The following RREB1 variants were observed in gnomAD, a reference collection of about 807,000 sequenced individuals.
The protein encoded by RREB1 is ras-responsive element-binding protein 1.
In RREB1, 27 loss-of-function variants were observed where a neutral mutation model predicts 117.8. That is an observed-to-expected ratio of 0.23 (90% CI 0.17 to 0.32). RREB1 has a LOEUF of 0.32. Ranked by LOEUF, RREB1 falls within the 10% of genes least tolerant of loss-of-function variation. RREB1 has a pLI of 1.00. For synonymous variants in RREB1, 1,298 were observed against 1,026.7 expected (o/e 1.26, Z -5.05); for missense variants, 2,577 against 2,378.2 (o/e 1.08, Z -1.74).
intron 2 of RREB1, among the ~76,000 whole-genome samples, chr6:7,180,676 G>A (rs536138311): frequency 2.9e-4 from 44 of 152,300 alleles, no homozygotes; most frequent in African/African-American, 9.1e-4. Context: ...TTCTTTTCAT[G>A]TCGCCAGGTT....
At chr6:7,155,309 G>A (rs984064880) in intron 1 of RREB1, among the ~76,000 whole-genome samples, 4 of 151,954 alleles carry the variant, frequency 2.6e-5, no homozygotes, top group African/African-American at 9.7e-5. Context: ...GTTTTGTTTT[G>A]TTTGTTTGTT....
chr6:7,228,893 T>C, intron 9 of RREB1, 104 bp from the exon 10 acceptor site: 1 of 1,046,714 alleles, frequency 9.6e-7, no homozygotes, highest in Non-Finnish European at 1.3e-6. Context: ...AAAGGCTGTG[T>C]ACTGGGATAA....
intron 8 of RREB1, chr6:7,218,022 T>G (rs1400991865): frequency 6.6e-6 from 1 of 152,234 alleles, no homozygotes; most frequent in Non-Finnish European, 1.5e-5. Flanking sequence ...CCACGTTTCT[T>G]AATCCCACTG....
chr6:7,231,270 C>T lies in RREB1; in HGVS notation c.3171C>T (p.Pro1057=), dbSNP rs368887124. The T allele has an allele frequency of 7.4e-6, 12 of 1,612,148 alleles. No homozygotes were observed. The highest frequency in any genetic ancestry group is 2.2e-5 in the South Asian group (2 of 90,942). The change falls in exon 10 of 13, where the codon CCC becomes CCT. Residue 1057 remains proline (P), a synonymous_variant. Coordinates refer to ENST00000379938, the MANE Select transcript of RREB1 (RefSeq NM_001003699.4). ...CCCCGCTGCTTTTGCCAAAGCCCCC[C>T]GTGACAGAAGAGCTGCCCCCGCTGG... ...PKPPLLLPKP[P]VTEELPPLAS...
chr6:7,110,856 A>G (rs959415793), intron 1 of RREB1, among the ~76,000 whole-genome samples: 1 of 152,138 alleles, frequency 6.6e-6, no homozygotes, highest in African/African-American at 2.4e-5. Context: ...GTTTTGTGGA[A>G]TATCATTCTC....
chr6:7,229,707 C>T lies in RREB1; in HGVS notation c.1608C>T (p.Gly536=). The T allele has an allele frequency of 6.2e-7, 1 of 1,605,868 alleles. No individual in the cohort carries two copies. The highest frequency in any genetic ancestry group is 8.5e-7 in the Non-Finnish European group (1 of 1,175,396). ...PLINAQQASP[G]CISPSLPPPP... Reference sequence around the variant, plus strand: ...TCAACGCCCAGCAGGCTTCCCCGGGCTGTATCAGCCCCAGCCTGCCGCCAC... The same window carrying T: ...TCAACGCCCAGCAGGCTTCCCCGGGTTGTATCAGCCCCAGCCTGCCGCCAC... The change falls in exon 10 of 13, where the codon GGC becomes GGT. Residue 536 remains glycine, a synonymous_variant. Coordinates refer to ENST00000379938, the MANE Select transcript of RREB1 (RefSeq NM_001003699.4). This position sits in a 1 kb window ranked among gnomAD's most constrained non-coding sequence, Gnocchi z 4.5.
intron 10 of RREB1, among the ~76,000 whole-genome samples, chr6:7,235,947 T>A (rs1000913968): frequency 1.3e-5 from 2 of 152,150 alleles, no homozygotes; most frequent in African/African-American, 4.8e-5. Flanking sequence ...GGCAGGGCTG[T>A]CATTTTTCAT....
At chr6:7,130,622 T>G (rs1410446942) in intron 1 of RREB1, among the ~76,000 whole-genome samples, 1 of 149,542 alleles carries the variant, frequency 6.7e-6, no homozygotes, top group Non-Finnish European at 1.5e-5. Context: ...AGTCATTTCT[T>G]TTTTTTTTTT....
chr6:7,245,117 C>T (rs146153143), intron 11 of RREB1, among the ~76,000 whole-genome samples: 31 of 152,300 alleles, frequency 2.0e-4, no homozygotes, highest in African/African-American at 6.3e-4. Flanking sequence ...AGACAGTGGC[C>T]GGGCACGGTG....
chr6:7,200,272 G>A (rs865819573), intron 6 of RREB1, among the ~76,000 whole-genome samples: 8 of 119,498 alleles, frequency 6.7e-5, no homozygotes, highest in African/African-American at 1.9e-4. Flanking sequence ...GTGTGTGTGT[G>A]TGTGTGTGTA....
At chr6:7,121,543 G>A (rs1369645813) in intron 1 of RREB1, among the ~76,000 whole-genome samples, 1 of 152,042 alleles carries the variant, frequency 6.6e-6, no homozygotes, top group East Asian at 1.9e-4. Flanking sequence ...TGAAAACATA[G>A]TTCATTCAGT....
intron 1 of RREB1, among the ~76,000 whole-genome samples, chr6:7,157,447 A>AT (rs1763427353): frequency 6.7e-6 from 1 of 149,924 alleles, no homozygotes; most frequent in Non-Finnish European, 1.5e-5. Flanking sequence ...AAAAAAAAAA[A>AT]TTGAGTGCCT....
In RREB1 at chr6:7,229,328, T is replaced by C; in HGVS notation, c.1229T>C (p.Leu410Pro). 1 of 1,614,206 alleles carries C rather than the reference T, an allele frequency of 6.2e-7. No homozygotes were observed. Among genetic ancestry groups the C allele is most frequent in the Non-Finnish European group, 8.5e-7 (1 of 1,180,036 alleles). Residue 410 changes from leucine (L) to proline (P), a missense_variant, in exon 10 of 13, where the codon CTG becomes CCG. By Grantham distance (98) the Leu-to-Pro change is moderately conservative. Coordinates refer to ENST00000379938, the MANE Select transcript of RREB1 (RefSeq NM_001003699.4). This position sits in a 1 kb window ranked among gnomAD's most constrained non-coding sequence, Gnocchi z 4.5. Reference protein sequence around the residue: ...LPQDPGCTNLLSLSPFEAASL... With the variant: ...LPQDPGCTNLPSLSPFEAASL... ...CAGGACCCCGGCTGCACCAACCTGC[T>C]GAGCCTGTCACCTTTCGAAGCTGCT...
In RREB1 at chr6:7,229,915, C is replaced by A; in HGVS notation, c.1816C>A (p.Leu606Met). Residue 606 changes from leucine (L) to methionine (M), a missense_variant, in exon 10 of 13, where the codon CTG (leucine) becomes ATG (methionine). By Grantham distance (15) the Leu-to-Met change is conservative (BLOSUM62 2). Coordinates refer to ENST00000379938, the MANE Select transcript of RREB1 (RefSeq NM_001003699.4). This position sits in a 1 kb window ranked among gnomAD's most constrained non-coding sequence, Gnocchi z 4.5. ...GCAGGACAGCATCATCGAGGCCCTG[C>A]TGCCGCTGAGCATGGAGGCCAAGAT... is the stretch of plus-strand genomic sequence containing the variant. ...LEQDSIIEAL[L>M]PLSMEAKIKQ... 6.3e-7 allele frequency: 1 copy of A among 1,599,612 alleles called. No individual in the cohort carries two copies.
intron 6 of RREB1, among the ~76,000 whole-genome samples, chr6:7,196,957 A>G (rs1765705591): frequency 6.6e-6 from 1 of 152,256 alleles, no homozygotes; most frequent in South Asian, 2.1e-4. Context: ...TTAACTTCCC[A>G]GAACTCTTTA....
Position 7,231,728 on chromosome 6 carries a change from G to T in RREB1, c.3629G>T (p.Gly1210Val). The T allele has an allele frequency of 6.2e-7, 1 of 1,613,704 alleles. No individual in the cohort carries two copies. The highest frequency in any genetic ancestry group is 8.5e-7 in the Non-Finnish European group (1 of 1,179,984). ...AEDNTQDEVA[G>V]APADHHGPSD... ...GACAACACTCAGGATGAGGTGGCCGGAGCCCCTGCCGACCACCATGGGCCC... is the reference window on the plus strand; with the variant it reads ...GACAACACTCAGGATGAGGTGGCCGTAGCCCCTGCCGACCACCATGGGCCC... The change falls in exon 10 of 13, where the codon GGA (glycine) becomes GTA (valine). Residue 1210 changes from glycine (G) to valine (V), a missense_variant. Gly to Val is a moderately radical substitution (Grantham distance 109). Transcript: ENST00000379938.
chr6:7,211,260 A>G (rs1766570894), intron 7 of RREB1, among the ~76,000 whole-genome samples: 1 of 130,766 alleles, frequency 7.6e-6, no homozygotes, highest in Non-Finnish European at 1.6e-5. Context: ...CTTTTTTATT[A>G]CCAGTGCCTG....
At chr6:7,200,768 A>G (rs1231158780) in intron 6 of RREB1, among the ~76,000 whole-genome samples, 2 of 152,108 alleles carry the variant, frequency 1.3e-5, no homozygotes, top group African/African-American at 4.8e-5. Flanking sequence ...TCGTCCTATC[A>G]CTGGTTCTCA....
intron 1 of RREB1, among the ~76,000 whole-genome samples, chr6:7,176,203 C>A (rs768125365): frequency 6.6e-6 from 1 of 152,208 alleles, no homozygotes; most frequent in Non-Finnish European, 1.5e-5. Context: ...AGGCATGAGC[C>A]ACTGCTAGTT....
Sources: gnomAD v4.1 joint callset for allele counts (sites outside exome capture counted in the v4.1 genomes callset) on GRCh38, gnomAD v4.1.1 for gene constraint, Gnocchi (gnomAD v3.1) non-coding constraint, MANE v1.5 for transcripts, NCBI Gene and HGNC (gene_info 2026-07-23, HGNC 2026-07-21) for gene names.